Variants in PPP2R2B observed in about 807,000 individuals in gnomAD.
PPP2R2B encodes serine/threonine-protein phosphatase 2A 55 kDa regulatory subunit B beta isoform.
In PPP2R2B, 5 loss-of-function variants were observed where a neutral mutation model predicts 46.0. The observed-to-expected ratio is 0.11, with a 90% CI of 0.06 to 0.23. The LOEUF is 0.23. PPP2R2B is among the 10% of genes least tolerant of loss of function. The pLI is 1.00. For synonymous variants in PPP2R2B, 215 were observed against 206.7 expected, an observed-to-expected ratio of 1.04 and a Z score of -0.34; for missense variants, 367 against 575.0, an observed-to-expected ratio of 0.64 and a Z score of 3.70.
chr5:146,777,634 A>G (rs1755265274), intron 2 of PPP2R2B, among the ~76,000 whole-genome samples: 1 of 152,188 alleles, frequency 6.6e-6, no homozygotes, highest in Non-Finnish European at 1.5e-5. Flanking sequence ...TATATATTTT[A>G]CCACAGTAAA....
At chr5:146,966,050 C>T (rs1312354833) in intron 1 of PPP2R2B, among the ~76,000 whole-genome samples, 1 of 152,162 alleles carries the variant, frequency 6.6e-6, no homozygotes, top group African/African-American at 2.4e-5. Flanking sequence ...CTATTTCAGA[C>T]ATAAAATGCA....
intron 2 of PPP2R2B, among the ~76,000 whole-genome samples, chr5:146,797,917 G>A (rs1174964867): frequency 6.6e-6 from 1 of 152,162 alleles, no homozygotes; most frequent in African/African-American, 2.4e-5. Context: ...GCAGCCACAA[G>A]TGCCAGTAAG....
intron 1 of PPP2R2B, chr5:147,054,743 GAGTCACAACACCTCAGC>G (rs1241547180): frequency 1.8e-5 from 8 of 455,556 alleles, no homozygotes; most frequent in Non-Finnish European, 3.1e-5. Context: ...ACATGAGTTG[GAGTCACAACACCTCAGC>G]ATCCTCAACC....
chr5:146,616,301 A>C (rs1013398903), intron 7 of PPP2R2B, among the ~76,000 whole-genome samples: 2 of 152,236 alleles, frequency 1.3e-5, no homozygotes, highest in African/African-American at 4.8e-5. Context: ...AACACTGGGG[A>C]AAGTCTCCAG....
At chr5:146,699,538 G>A (rs961674063) in intron 3 of PPP2R2B, among the ~76,000 whole-genome samples, 15 of 152,080 alleles carry the variant, frequency 9.9e-5, no homozygotes, top group African/African-American at 3.4e-4. Flanking sequence ...ATTAAAATAG[G>A]TGAAACCTAT....
chr5:146,632,777 G>A (rs557281034), intron 7 of PPP2R2B, among the ~76,000 whole-genome samples: 37 of 152,292 alleles, frequency 2.4e-4, no homozygotes, highest in African/African-American at 8.7e-4. Context: ...GGTAGAGTGT[G>A]TGGGGGGCAG....
intron 7 of PPP2R2B, among the ~76,000 whole-genome samples, chr5:146,632,284 A>G (rs1774494323): frequency 6.6e-6 from 1 of 152,218 alleles, no homozygotes; most frequent in Non-Finnish European, 1.5e-5. Context: ...CTACAAGCCA[A>G]GGAGAGCAGT....
At chr5:146,642,633 G>C (rs1775294761) in intron 6 of PPP2R2B, among the ~76,000 whole-genome samples, 1 of 152,152 alleles carries the variant, frequency 6.6e-6, no homozygotes, top group Non-Finnish European at 1.5e-5. Context: ...AAAATGATGA[G>C]CTAAATGGGA....
upstream of PPP2R2B, among the ~76,000 whole-genome samples, chr5:146,880,176 ATT>A (rs887289161): frequency 1.8e-5 from 2 of 114,046 alleles, no homozygotes; most frequent in African/African-American, 7.0e-5. Flanking sequence ...TGACATAGTT[ATT>A]TTGTGTGTGT....
intron 2 of PPP2R2B, among the ~76,000 whole-genome samples, chr5:147,066,894 C>T (rs1437128780): frequency 1.3e-5 from 2 of 152,088 alleles, no homozygotes; most frequent in Non-Finnish European, 2.9e-5. Context: ...TGTGATTAGC[C>T]TGGGTGTTGG....
At chr5:146,887,815 G>T (rs1762377755) in intron 1 of PPP2R2B, among the ~76,000 whole-genome samples, 1 of 152,168 alleles carries the variant, frequency 6.6e-6, no homozygotes, top group African/African-American at 2.4e-5. Context: ...TGAAGGTGGA[G>T]AAATTTAAAG....
At chr5:146,839,183 T>G (rs191702052) in intron 2 of PPP2R2B, among the ~76,000 whole-genome samples, 3 of 152,320 alleles carry the variant, frequency 2.0e-5, no homozygotes, top group African/African-American at 7.2e-5. Flanking sequence ...ACATTACTTA[T>G]GCAATACTCA....
chr5:146,913,572 C>T lies in PPP2R2B; in HGVS notation c.79+142093G>A, dbSNP rs77426210. ...TCAATGTTTTTTTTTTCAAACATCA[C>T]ATTAAAACAGCTCACTCGGTCTCTT... On this transcript the variant is annotated intron_variant, in intron 1 of 8. Transcript: ENST00000336640. 7.1e-4 allele frequency among the ~76,000 whole-genome samples: 108 copies of T among 151,082 alleles called. 1 individual carries two copies. In the East Asian group the frequency reaches 0.016, roughly 23 times the overall value.
intron 2 of PPP2R2B, among the ~76,000 whole-genome samples, chr5:146,751,765 C>T (rs1753568596): frequency 6.6e-6 from 1 of 152,092 alleles, no homozygotes; most frequent in African/African-American, 2.4e-5. Flanking sequence ...ATGGTGATTG[C>T]CCCCAGAGGG....
At chr5:146,917,414 G>C (rs985110087) in intron 1 of PPP2R2B, among the ~76,000 whole-genome samples, 7 of 152,214 alleles carry the variant, frequency 4.6e-5, no homozygotes, top group Non-Finnish European at 1.0e-4. Context: ...GCCTACCTCA[G>C]TAAAAGGTCA....
intron 2 of PPP2R2B, among the ~76,000 whole-genome samples, chr5:146,743,947 T>A (rs1366268148): frequency 6.6e-6 from 1 of 152,176 alleles, no homozygotes; most frequent in African/African-American, 2.4e-5. Flanking sequence ...ATTGATTATT[T>A]CCCACTGAGA....
intron 2 of PPP2R2B, among the ~76,000 whole-genome samples, chr5:146,861,366 T>C (rs186059981): frequency 3.3e-5 from 5 of 151,516 alleles, no homozygotes; most frequent in East Asian, 1.9e-4. Flanking sequence ...TAATTTCCTA[T>C]ATTTTTAGTA....
chr5:146,864,563 C>T (rs1057090027), intron 2 of PPP2R2B, among the ~76,000 whole-genome samples: 2 of 152,078 alleles, frequency 1.3e-5, no homozygotes, highest in African/African-American at 4.8e-5. Context: ...TCTGGGTCAC[C>T]AGGTTCCATA....
rs114261747 is a variant in PPP2R2B at position 146,997,766 on chromosome 5, A to G, written c.79+57899T>C. 7.3e-3 allele frequency among the ~76,000 whole-genome samples: 1,114 copies of G among 152,342 alleles called. 11 individuals are homozygous for G. Among genetic ancestry groups the G allele is most frequent in the African/African-American group, 0.026 (1,066 of 41,562 alleles). On this transcript the variant is annotated intron_variant, in intron 1 of 8. Transcript: ENST00000336640. Reference sequence around the variant, plus strand: ...TTTTGCGAATAAAGTAGATATTTCCACAAAACCTAGCAACATCTCTATAGA... The same window carrying G: ...TTTTGCGAATAAAGTAGATATTTCCGCAAAACCTAGCAACATCTCTATAGA...
Sources: gnomAD v4.1 joint callset for allele counts (sites outside exome capture counted in the v4.1 genomes callset) on GRCh38, gnomAD v4.1.1 for gene constraint, MANE v1.5 for transcripts, NCBI Gene and HGNC (gene_info 2026-07-23, HGNC 2026-07-21) for gene names.